Variants in ADAMTS17 observed in about 807,000 individuals in gnomAD.
The protein encoded by ADAMTS17 is A disintegrin and metalloproteinase with thrombospondin motifs 17.
In ADAMTS17, 113 loss-of-function variants were observed where a neutral mutation model predicts 141.5. The ratio of observed to expected loss-of-function variants is 0.80; its 90% CI spans 0.69 to 0.93. The LOEUF (loss-of-function observed/expected upper bound fraction) is 0.93, where lower values mean the gene tolerates loss of function less well. ADAMTS17 is among the 40% of genes least tolerant of loss of function. The pLI, the probability that ADAMTS17 is intolerant of heterozygous loss-of-function variation, is 0.00. For missense variants in ADAMTS17, 1,659 were observed against 1,517.9 expected, an observed-to-expected ratio of 1.09 and a Z score of -1.54; for synonymous variants, 768 against 630.6, an observed-to-expected ratio of 1.22 and a Z score of -3.27.
intron 3 of ADAMTS17, among the ~76,000 whole-genome samples, chr15:100,325,938 G>A (rs1482046477): frequency 6.6e-6 from 1 of 152,126 alleles, no homozygotes; most frequent in Non-Finnish European, 1.5e-5. Context: ...CCCTGTCAAC[G>A]CCTTGATCCC....
intron 9 of ADAMTS17, 64 bp downstream of exon 9, chr15:100,155,116 A>G (rs1165548109): frequency 2.5e-6 from 4 of 1,611,842 alleles, no homozygotes; most frequent in African/African-American, 2.7e-5. Context: ...TGAGACTCCA[A>G]TACTTTTGTC....
At chr15:100,237,712 C>T (rs1056198324) in intron 7 of ADAMTS17, among the ~76,000 whole-genome samples, 2 of 152,216 alleles carry the variant, frequency 1.3e-5, no homozygotes, top group African/African-American at 4.8e-5. Context: ...CAACCTCCGC[C>T]TCCCAGGTTC....
At chr15:100,130,360 T>A (rs1278141366) in intron 12 of ADAMTS17, among the ~76,000 whole-genome samples, 1 of 142,174 alleles carries the variant, frequency 7.0e-6, no homozygotes, top group Non-Finnish European at 1.5e-5. Flanking sequence ...TGAGGCTCCA[T>A]CTCAAAAAAA....
At chr15:100,254,414 C>T (rs1356112118) in intron 6 of ADAMTS17, among the ~76,000 whole-genome samples, 3 of 152,150 alleles carry the variant, frequency 2.0e-5, no homozygotes, top group Non-Finnish European at 4.4e-5. Context: ...CTATTCTATA[C>T]GTAACAGTTG....
chr15:100,317,686 AC>A (rs2045609116), intron 3 of ADAMTS17, among the ~76,000 whole-genome samples: 1 of 152,150 alleles, frequency 6.6e-6, no homozygotes, highest in African/African-American at 2.4e-5. Context: ...CAATGCTTGG[AC>A]TTGAGGTCAG....
chr15:100,203,297 G>A (rs2041409184), intron 7 of ADAMTS17, among the ~76,000 whole-genome samples: 1 of 152,188 alleles, frequency 6.6e-6, no homozygotes, highest in East Asian at 1.9e-4. Flanking sequence ...TGTGGGCCAG[G>A]TGCGGTGGCT....
At chr15:99,998,758 C>A (rs1044529205) in intron 18 of ADAMTS17, among the ~76,000 whole-genome samples, 3 of 152,184 alleles carry the variant, frequency 2.0e-5, no homozygotes, top group African/African-American at 7.2e-5. Flanking sequence ...GCTTCCAGTG[C>A]CCTTTTGCGA....
intron 3 of ADAMTS17, among the ~76,000 whole-genome samples, chr15:100,319,917 C>A (rs1208577293): frequency 6.6e-6 from 1 of 151,320 alleles, no homozygotes; most frequent in Non-Finnish European, 1.5e-5. Flanking sequence ...GCAGCAAGAG[C>A]GAAACTCTGT....
chr15:100,236,788 T>TG (rs2042670484), intron 7 of ADAMTS17, among the ~76,000 whole-genome samples: 1 of 152,054 alleles, frequency 6.6e-6, no homozygotes, highest in Non-Finnish European at 1.5e-5. Flanking sequence ...CAGTGAGCTA[T>TG]GACTGCACCA....
intron 7 of ADAMTS17, among the ~76,000 whole-genome samples, chr15:100,231,434 C>T (rs1035033157): frequency 6.6e-6 from 1 of 152,186 alleles, no homozygotes; most frequent in Non-Finnish European, 1.5e-5. Context: ...CAGGGGATAA[C>T]TGCCTTCCCA....
At chr15:100,007,221 G>C (rs1345750213) in intron 18 of ADAMTS17, among the ~76,000 whole-genome samples, 3 of 152,204 alleles carry the variant, frequency 2.0e-5, no homozygotes, top group African/African-American at 7.2e-5. Context: ...CAGACGGAGG[G>C]AGCCTGCCCT....
intron 8 of ADAMTS17, among the ~76,000 whole-genome samples, chr15:100,195,334 A>T (rs2041071081): frequency 2.0e-5 from 3 of 152,338 alleles, no homozygotes; most frequent in Middle Eastern, 3.4e-3. Flanking sequence ...ACAGAATCAG[A>T]AAGCTGTTAA....
chr15:100,177,900 T>G (rs921988534), intron 8 of ADAMTS17, among the ~76,000 whole-genome samples: 1 of 152,192 alleles, frequency 6.6e-6, no homozygotes, highest in African/African-American at 2.4e-5. Context: ...CTTTTTATCA[T>G]TATACAATGT....
intron 4 of ADAMTS17, among the ~76,000 whole-genome samples, chr15:100,270,658 T>C (rs1487957229): frequency 6.6e-6 from 1 of 151,500 alleles, no homozygotes; most frequent in African/African-American, 2.4e-5. Flanking sequence ...ACTGACAAAA[T>C]GTTGATGGTG....
intron 7 of ADAMTS17, among the ~76,000 whole-genome samples, chr15:100,253,096 C>T (rs1303927117): frequency 2.0e-5 from 3 of 151,780 alleles, no homozygotes; most frequent in South Asian, 2.1e-4. Flanking sequence ...CTGTTTTCTT[C>T]GATTTTACTA....
intron 18 of ADAMTS17, among the ~76,000 whole-genome samples, chr15:100,040,722 T>G (rs1158432795): frequency 6.6e-6 from 1 of 151,454 alleles, no homozygotes; most frequent in African/African-American, 2.4e-5. Flanking sequence ...TTGTCCTCCA[T>G]CTTGAATGTT....
intron 6 of ADAMTS17, chr15:100,257,000 C>G (rs2043349842): frequency 6.6e-6 from 1 of 152,420 alleles, no homozygotes; most frequent in African/African-American, 2.4e-5. Context: ...ATGCTCACGT[C>G]CTCCATGGCA....
chr15:99,989,301 G>C (rs997474038), intron 20 of ADAMTS17, among the ~76,000 whole-genome samples: 1 of 152,232 alleles, frequency 6.6e-6, no homozygotes, highest in Non-Finnish European at 1.5e-5. Flanking sequence ...CAGATGGGCA[G>C]ATGTGGCCCA....
chr15:100,086,448 G>A (rs189688766), intron 15 of ADAMTS17, among the ~76,000 whole-genome samples: 114 of 152,018 alleles, frequency 7.5e-4, no homozygotes, highest in Non-Finnish European at 1.4e-3. Flanking sequence ...GAGACAGACA[G>A]TTAACAAGGA....
Sources: gnomAD v4.1 joint callset for allele counts (sites outside exome capture counted in the v4.1 genomes callset) on GRCh38, gnomAD v4.1.1 for gene constraint, MANE v1.5 for transcripts, NCBI Gene and HGNC (gene_info 2026-07-23, HGNC 2026-07-21) for gene names.